Variants in CDH13 observed in about 807,000 individuals in gnomAD.
The protein encoded by CDH13 is cadherin-13.
Under a neutral mutation model 63.8 loss-of-function variants are expected in CDH13, and 24 were observed. That is an observed-to-expected ratio of 0.38 (90% CI 0.27 to 0.53). CDH13 has a LOEUF of 0.53. Ranked by LOEUF, CDH13 falls within the 20% of genes least tolerant of loss-of-function variation. CDH13 has a pLI of 0.85. For missense variants in CDH13, 1,049 were observed against 903.1 expected, an observed-to-expected ratio of 1.16 and a Z score of -2.07; for synonymous variants, 503 against 355.3, an observed-to-expected ratio of 1.42 and a Z score of -4.67.
intron 5 of CDH13, among the ~76,000 whole-genome samples, chr16:83,340,530 G>T (rs1018130425): frequency 6.6e-6 from 1 of 152,156 alleles, no homozygotes; most frequent in Non-Finnish European, 1.5e-5. Flanking sequence ...AAGACCCTTG[G>T]ATTTCCATCT....
intron 1 of CDH13, among the ~76,000 whole-genome samples, chr16:82,686,631 C>G (rs1323140416): frequency 6.6e-6 from 1 of 152,050 alleles, no homozygotes; most frequent in Non-Finnish European, 1.5e-5. Flanking sequence ...GAGAATATTC[C>G]TTTCCTCAAT....
At chr16:83,714,330 A>G (rs1054067331) in intron 10 of CDH13, among the ~76,000 whole-genome samples, 33 of 152,222 alleles carry the variant, frequency 2.2e-4, no homozygotes, top group Non-Finnish European at 2.9e-5. Flanking sequence ...TACTTAATAG[A>G]AATGAAATCT....
At chr16:83,730,735 T>C (rs1389500588) in intron 10 of CDH13, among the ~76,000 whole-genome samples, 1 of 152,210 alleles carries the variant, frequency 6.6e-6, no homozygotes, top group Non-Finnish European at 1.5e-5. Context: ...TGCGTGTTGC[T>C]GAAGTTTGGG....
intron 7 of CDH13, among the ~76,000 whole-genome samples, chr16:83,509,970 T>C (rs1262861701): frequency 6.6e-6 from 1 of 152,156 alleles, no homozygotes; most frequent in Non-Finnish European, 1.5e-5. Flanking sequence ...CATGGTATTG[T>C]AGCCAGCGTA....
intron 6 of CDH13, among the ~76,000 whole-genome samples, chr16:83,437,742 A>G (rs1479060707): frequency 6.6e-6 from 1 of 152,142 alleles, no homozygotes; most frequent in Admixed American, 6.6e-5. Context: ...AAAAAAAATA[A>G]CATTCTTGAC....
At chr16:83,579,180 C>G (rs535441070) in intron 7 of CDH13, among the ~76,000 whole-genome samples, 1 of 152,358 alleles carries the variant, frequency 6.6e-6, no homozygotes, top group East Asian at 1.9e-4. Flanking sequence ...CATGCCCACT[C>G]TACCTCACTG....
intron 7 of CDH13, among the ~76,000 whole-genome samples, chr16:83,543,539 T>A (rs879492642): frequency 2.0e-5 from 3 of 152,226 alleles, no homozygotes; most frequent in Non-Finnish European, 4.4e-5. Context: ...GTAAAGGAGA[T>A]CTCTTTCTTT....
At chr16:83,694,622 G>A (rs1407340460) in intron 10 of CDH13, among the ~76,000 whole-genome samples, 2 of 152,196 alleles carry the variant, frequency 1.3e-5, no homozygotes, top group South Asian at 2.1e-4. Context: ...ACTAAAGAGT[G>A]TCTCTGTCAC....
intron 3 of CDH13, among the ~76,000 whole-genome samples, chr16:83,075,706 G>C (rs2032785497): frequency 6.6e-6 from 1 of 152,200 alleles, no homozygotes; most frequent in Admixed American, 6.5e-5. Flanking sequence ...TAGATTGTTT[G>C]AGTTTTCCAA....
chr16:83,170,566 A>G (rs1450181071), intron 4 of CDH13, among the ~76,000 whole-genome samples: 4 of 152,176 alleles, frequency 2.6e-5, no homozygotes, highest in African/African-American at 9.6e-5. Flanking sequence ...TGTCAGTCTT[A>G]GTACTTAAAA....
At chr16:83,744,908 G>A (rs542360155) in intron 10 of CDH13, among the ~76,000 whole-genome samples, 6 of 152,204 alleles carry the variant, frequency 3.9e-5, no homozygotes, top group Non-Finnish European at 5.9e-5. Context: ...CAATGTGAAC[G>A]GCTGGGGGGA....
chr16:82,995,576 GA>G (rs1912117306), intron 2 of CDH13, among the ~76,000 whole-genome samples: 1 of 152,092 alleles, frequency 6.6e-6, no homozygotes, highest in East Asian at 1.9e-4. Context: ...TGCCAACCTA[GA>G]CTCTTAAATA....
At chr16:83,218,444 A>G (rs1339626142) in intron 5 of CDH13, among the ~76,000 whole-genome samples, 5 of 150,300 alleles carry the variant, frequency 3.3e-5, no homozygotes, top group African/African-American at 7.4e-5. Flanking sequence ...AACGTGAGCC[A>G]TGAGTCCCAA....
At chr16:83,011,723 T>G (rs1914176629) in intron 2 of CDH13, among the ~76,000 whole-genome samples, 1 of 152,216 alleles carries the variant, frequency 6.6e-6, no homozygotes, top group African/African-American at 2.4e-5. Context: ...CTTCTTCTTC[T>G]ACTCCCAGTT....
At chr16:82,627,200 C>T (rs148284328) in intron 1 of CDH13, 63 bp downstream of exon 1, 4 of 1,446,524 alleles carry the variant, frequency 2.8e-6, no homozygotes, top group African/African-American at 2.8e-5. Context: ...TCGCCCGGCA[C>T]GGGCAGGGTG....
chr16:83,257,266 T>C lies in CDH13; in HGVS notation c.636+39769T>C, dbSNP rs570081219. On this transcript the variant is annotated intron_variant, in intron 5 of 13. Transcript: ENST00000567109. ...AAGAGGAGAGAAAGCGACGGTGAGC[T>C]TGAAAGGTTCAAAGAAGCCGAGACA... 5.5e-4 allele frequency among the ~76,000 whole-genome samples: 83 copies of C among 152,204 alleles called. 2 individuals carry two copies. The Middle Eastern group carries it at 0.02, about 37-fold the overall frequency.
chr16:82,913,661 T>C (rs943858318), intron 2 of CDH13, among the ~76,000 whole-genome samples: 1 of 152,116 alleles, frequency 6.6e-6, no homozygotes, highest in Non-Finnish European at 1.5e-5. Flanking sequence ...AGAGCTGCTG[T>C]GACAGAGTAA....
At chr16:82,703,414 C>T (rs953303101) in intron 1 of CDH13, among the ~76,000 whole-genome samples, 3 of 152,054 alleles carry the variant, frequency 2.0e-5, no homozygotes, top group African/African-American at 7.2e-5. Context: ...AACTCGTACC[C>T]CCAGGATCAG....
Position 83,032,080 on chromosome 16 carries a change from C to T in CDH13, c.228C>T (p.Asn76=), listed in dbSNP as rs369679692. The stretch of plus-strand genomic sequence containing the variant: ...TCTCGAGCCCATACTTCAAGGTGAA[C>T]AGCGATGGCGGCTTAGTTGCTCTGA... ...YEVSSPYFKV[N]SDGGLVALRN... Residue 76 remains asparagine (N), a synonymous_variant, in exon 3 of 14, where the codon AAC becomes AAT. Coordinates refer to ENST00000567109, the MANE Select transcript of CDH13 (RefSeq NM_001257.5). The T allele has an allele frequency of 5.0e-6, 8 of 1,612,062 alleles. No individual in the cohort carries two copies. The highest frequency in any genetic ancestry group is 3.3e-5 in the Admixed American group (2 of 59,818).
Sources: allele counts gnomAD v4.1 joint callset (sites outside exome capture counted in the v4.1 genomes callset), GRCh38; gene constraint gnomAD v4.1.1; transcripts MANE v1.5; gene names NCBI Gene and HGNC (gene_info 2026-07-23, HGNC 2026-07-21).